MAP2K1: variants seen among roughly 807,000 people sequenced by gnomAD.
MAP2K1 encodes dual specificity mitogen-activated protein kinase kinase 1.
A neutral mutation model predicts 46.3 loss-of-function variants in MAP2K1; 16 were observed. That is an observed-to-expected ratio of 0.35 (90% confidence interval 0.23 to 0.52). The LOEUF (loss-of-function observed/expected upper bound fraction) is 0.52, where lower values mean the gene tolerates loss of function less well. MAP2K1 is among the 20% of genes least tolerant of loss of function. MAP2K1 has a pLI of 0.94. For synonymous variants in MAP2K1, 183 were observed against 185.6 expected, an observed-to-expected ratio of 0.99 and a Z score of 0.11; for missense variants, 263 against 497.1, an observed-to-expected ratio of 0.53 and a Z score of 4.48.
At chr15:66,468,792 G>A (rs12101629) in intron 5 of MAP2K1, among the ~76,000 whole-genome samples, 188 of 149,120 alleles carry the variant, frequency 1.3e-3, no homozygotes, top group African/African-American at 4.1e-3. Context: ...TTAGCTGGAC[G>A]TGGTGGTGCG....
Position 66,490,886 on chromosome 15 carries a change from A to G in MAP2K1, c.*271A>G. 1.9e-6 allele frequency: 1 copy of G among 521,042 alleles called. No individual in the cohort carries two copies. The highest frequency in any genetic ancestry group is 2.0e-5 in the South Asian group (1 of 49,600). The allele number at this position is 521,042 out of a possible 1,614,324, so 32.3% of individuals were successfully genotyped here. On this transcript the variant is annotated 3_prime_UTR_variant, in exon 11 of 11. Coordinates refer to ENST00000307102, the MANE Select transcript of MAP2K1 (RefSeq NM_002755.4). ...ATCAAAACCTGTGCCAGGCTGAATT[A>G]CAGTGAAATTTTGGTGAATGTGGGT...
intron 1 of MAP2K1, 99 bp downstream of exon 1, chr15:66,387,526 C>G (rs928727939): frequency 4.1e-6 from 5 of 1,224,388 alleles, no homozygotes; most frequent in African/African-American, 1.5e-5. Context: ...TTGTCACGTA[C>G]GTCTGGGGCT....
At chr15:66,465,353 A>C (rs62010234) in intron 5 of MAP2K1, among the ~76,000 whole-genome samples, 46,648 of 151,998 alleles carry the variant, frequency 0.31, 7,599 homozygotes, top group Admixed American at 0.39. Flanking sequence ...GGTCCACGTG[A>C]GAGGGTTGTG....
chr15:66,447,651 A>T (rs1250251001), intron 5 of MAP2K1, among the ~76,000 whole-genome samples: 8 of 147,822 alleles, frequency 5.4e-5, no homozygotes, highest in Non-Finnish European at 1.2e-4. Flanking sequence ...AGATCATGCC[A>T]TTGCACTCTA....
chr15:66,436,930 T>A (rs761016219), intron 3 of MAP2K1, 38 bp downstream of exon 3: 1 of 1,611,682 alleles, frequency 6.2e-7, no homozygotes, highest in Non-Finnish European at 8.5e-7. Flanking sequence ...GCAATGGCCT[T>A]AAGAGTTGGG....
At position 66,481,744 on chromosome 15, in the gene MAP2K1, C is replaced by T. The variant is rs1892919708; in HGVS notation, c.569-11C>T. 20 of 1,611,772 alleles carry T rather than the reference C, an allele frequency of 1.2e-5. 1 individual carries two copies. In the African/African-American group the frequency reaches 1.5e-4, roughly 12 times the overall value. The stretch of plus-strand genomic sequence containing the variant: ...TCAGTTCCCTCCTTTTCTATTTTCT[C>T]TTCCCTGCAGATGTCAAGCCCTCCA... On this transcript the variant is annotated splice_polypyrimidine_tract_variant and intron_variant, in intron 5 of 10. Transcript: ENST00000307102.
rs1461381065 is a variant in MAP2K1, at chr15:66,420,721, A to ATATATATATATATATATATG, written c.81-14305_81-14304insATATATATATATATATATGT. 5.7e-4 allele frequency among the ~76,000 whole-genome samples: 17 copies of ATATATATATATATATATATG among 29,682 alleles called. 4 individuals carry two copies. Among genetic ancestry groups the ATATATATATATATATATATG allele is most frequent in the African/African-American group, 1.3e-3 (11 of 8,498 alleles). 19.5% of individuals were successfully genotyped at this position (29,682 alleles called of 152,430 possible). On this transcript the variant is annotated intron_variant, in intron 1 of 10. Coordinates refer to ENST00000307102, the MANE Select transcript of MAP2K1 (RefSeq NM_002755.4). ...TTACTCTTGGCATATATATATATAT[A>ATATATATATATATATATATG]TGTGTGTGTGTGTGTGTGTGTGTGT...
chr15:66,455,076 G>A (rs1403559529), intron 5 of MAP2K1, among the ~76,000 whole-genome samples: 14 of 152,092 alleles, frequency 9.2e-5, no homozygotes, highest in Non-Finnish European at 1.5e-5. Flanking sequence ...TCCTCTCCTA[G>A]CCTTATTTAG....
intron 5 of MAP2K1, among the ~76,000 whole-genome samples, chr15:66,468,768 T>G (rs1892532998): frequency 6.6e-6 from 1 of 151,028 alleles, no homozygotes; most frequent in African/African-American, 2.4e-5. Context: ...CCATCTCTAC[T>G]AAAAATACAA....
At chr15:66,425,048 G>A (rs1296502138) in intron 1 of MAP2K1, among the ~76,000 whole-genome samples, 1 of 151,882 alleles carries the variant, frequency 6.6e-6, no homozygotes, top group African/African-American at 2.4e-5. Flanking sequence ...TGCCCGCCTC[G>A]GCCTCCTAAA....
chr15:66,427,756 C>T lies in MAP2K1; in HGVS notation c.81-7271C>T, dbSNP rs145361315. On this transcript the variant is annotated intron_variant, in intron 1 of 10. Transcript: ENST00000307102. ...TCTGGCCAGGCATGGTGGCTCACCC[C>T]TGTAATCCCAGCACTTTGGGACGCT... Among the ~76,000 whole-genome samples the T allele has an allele frequency of 1.6e-3, 243 of 152,122 alleles. 7 individuals are homozygous for T. The East Asian group carries it at 0.043, about 27-fold the overall frequency.
intron 1 of MAP2K1, among the ~76,000 whole-genome samples, chr15:66,402,490 T>C (rs1012504487): frequency 6.6e-6 from 1 of 152,218 alleles, no homozygotes; most frequent in African/African-American, 2.4e-5. Flanking sequence ...GAGAGTCATA[T>C]ATATTTTTTA....
intron 5 of MAP2K1, among the ~76,000 whole-genome samples, chr15:66,462,399 C>T (rs566114731): frequency 6.7e-6 from 1 of 149,004 alleles, no homozygotes; most frequent in East Asian, 2.0e-4. Context: ...ACTCGGGAGG[C>T]TGAGACAGAA....
At chr15:66,471,226 C>G (rs1261551655) in intron 5 of MAP2K1, among the ~76,000 whole-genome samples, 1 of 152,130 alleles carries the variant, frequency 6.6e-6, no homozygotes, top group East Asian at 1.9e-4. Context: ...AGAAGCCAGG[C>G]TGAGAAGGAA....
intron 5 of MAP2K1, among the ~76,000 whole-genome samples, chr15:66,478,653 C>T (rs1216704527): frequency 6.6e-6 from 1 of 151,576 alleles, no homozygotes; most frequent in South Asian, 2.1e-4. Context: ...TGATGTGCTA[C>T]CATGCCCAGC....
rs149343171 is a variant in MAP2K1, at chr15:66,394,840, A to G, written c.80+7413A>G. Among the ~76,000 whole-genome samples the G allele has an allele frequency of 8.4e-4, 128 of 152,318 alleles. 3 individuals are homozygous for G. The East Asian group carries it at 0.022, about 26-fold the overall frequency. ...TTTTGGGTAGTTGATGCAGTAACTA[A>G]TACTGGTGCTGTCTTTCAGAACAGC... On this transcript the variant is annotated intron_variant, in intron 1 of 10. Coordinates refer to ENST00000307102, the MANE Select transcript of MAP2K1 (RefSeq NM_002755.4).
At chr15:66,396,402 T>C (rs1394036954) in intron 1 of MAP2K1, among the ~76,000 whole-genome samples, 1 of 152,096 alleles carries the variant, frequency 6.6e-6, no homozygotes, top group Non-Finnish European at 1.5e-5. Context: ...CCCAAGTAGC[T>C]ATGATAACAG....
intron 5 of MAP2K1, chr15:66,446,728 C>T (rs757536617): frequency 2.0e-5 from 7 of 342,606 alleles, no homozygotes; most frequent in Admixed American, 5.9e-5. Flanking sequence ...CCATTGGTTC[C>T]GGATACCCTG....
At chr15:66,424,117 G>A (rs1188345042) in intron 1 of MAP2K1, among the ~76,000 whole-genome samples, 1 of 151,812 alleles carries the variant, frequency 6.6e-6, no homozygotes, top group Non-Finnish European at 1.5e-5. Flanking sequence ...GAGTGCAATG[G>A]TACTGTCTTG....
Sources: gnomAD v4.1 joint callset for allele counts (sites outside exome capture counted in the v4.1 genomes callset) on GRCh38, gnomAD v4.1.1 for gene constraint, MANE v1.5 for transcripts, NCBI Gene and HGNC (gene_info 2026-07-23, HGNC 2026-07-21) for gene names.